Variants in FAM193A observed in about 807,000 individuals in gnomAD.
The protein encoded by FAM193A is family with sequence similarity 193 member A, also known as protein FAM193A.
A neutral mutation model predicts 126.5 loss-of-function variants in FAM193A; 22 were observed. The ratio of observed to expected loss-of-function variants is 0.17; its 90% CI spans 0.12 to 0.25. The LOEUF is 0.25. Ranked by LOEUF, FAM193A falls within the 10% of genes least tolerant of loss-of-function variation. The pLI, the probability that FAM193A is intolerant of heterozygous loss-of-function variation, is 1.00. For synonymous variants in FAM193A, 761 were observed against 646.8 expected, an observed-to-expected ratio of 1.18 and a Z score of -2.68; for missense variants, 1,675 against 1,672.8, an observed-to-expected ratio of 1.00 and a Z score of -0.02.
At chr4:2,659,468 T>G (rs1182729550) in intron 8 of FAM193A, 90 bp from the exon 9 acceptor site, 2 of 893,492 alleles carry the variant, frequency 2.2e-6, no homozygotes, top group Non-Finnish European at 3.6e-6. Context: ...CCCGTGAACA[T>G]GATACATGTC....
chr4:2,656,048 A>G (rs532690064), intron 7 of FAM193A, among the ~76,000 whole-genome samples: 1 of 152,248 alleles, frequency 6.6e-6, no homozygotes, highest in African/African-American at 2.4e-5. Context: ...TGGCCTACCA[A>G]AGTGCTGGGA....
At chr4:2,669,698 C>A (rs1713572493) in intron 12 of FAM193A, among the ~76,000 whole-genome samples, 1 of 152,128 alleles carries the variant, frequency 6.6e-6, no homozygotes, top group Admixed American at 6.5e-5. Flanking sequence ...ACAGAGACAC[C>A]CTATACCCAG....
chr4:2,659,455 G>C, intron 8 of FAM193A, 103 bp from the exon 9 acceptor site: 5 of 794,490 alleles, frequency 6.3e-6, no homozygotes, highest in Non-Finnish European at 1.0e-5. Flanking sequence ...TGAGGAAGCA[G>C]TGCCCGTGAA....
At chr4:2,684,934 C>A (rs1176336784) in intron 13 of FAM193A, among the ~76,000 whole-genome samples, 7 of 152,218 alleles carry the variant, frequency 4.6e-5, no homozygotes, top group African/African-American at 1.7e-4. Flanking sequence ...GCAGGTGCGG[C>A]TGCATTTTGC....
chr4:2,583,522 C>A (rs1192790929), intron 1 of FAM193A, among the ~76,000 whole-genome samples: 4 of 152,094 alleles, frequency 2.6e-5, no homozygotes. Flanking sequence ...GGCTTCTGGT[C>A]CCCTCCCTGA....
At chr4:2,654,722 T>C (rs1746004419) in intron 7 of FAM193A, 1 of 173,598 alleles carries the variant, frequency 5.8e-6, no homozygotes, top group Non-Finnish European at 1.2e-5. Context: ...GAATATGGTA[T>C]GTCACTCTTT....
intron 2 of FAM193A, among the ~76,000 whole-genome samples, chr4:2,617,763 C>T (rs943330338): frequency 1.3e-5 from 2 of 152,100 alleles, no homozygotes; most frequent in Non-Finnish European, 1.5e-5. Flanking sequence ...CTAATGTAGT[C>T]GTGTGTTTTT....
chr4:2,698,624 A>G (rs567820292), intron 18 of FAM193A, among the ~76,000 whole-genome samples: 4 of 152,224 alleles, frequency 2.6e-5, no homozygotes, highest in South Asian at 2.1e-4. Context: ...GTACTTTTCT[A>G]TTTCTCTAGG....
At chr4:2,603,168 A>C (rs528347436) in intron 2 of FAM193A, among the ~76,000 whole-genome samples, 2 of 137,222 alleles carry the variant, frequency 1.5e-5, no homozygotes, top group African/African-American at 6.6e-5. Flanking sequence ...ATATATATAT[A>C]TTTTTTAGTA....
intron 19 of FAM193A, chr4:2,708,396 A>T (rs962776682): frequency 6.1e-6 from 1 of 164,360 alleles, no homozygotes; most frequent in African/African-American, 2.4e-5. Flanking sequence ...AAATGCTGGA[A>T]TTACAGGCGT....
chr4:2,665,323 A>G (rs536164277), intron 12 of FAM193A, among the ~76,000 whole-genome samples: 12 of 152,274 alleles, frequency 7.9e-5, no homozygotes, highest in African/African-American at 2.9e-4. Flanking sequence ...CAGCTTTACT[A>G]AACTTGTTTA....
chr4:2,702,098 C>A (rs1465508935), intron 19 of FAM193A, among the ~76,000 whole-genome samples: 2 of 152,134 alleles, frequency 1.3e-5, no homozygotes, highest in Admixed American at 6.6e-5. Flanking sequence ...TAATATTATT[C>A]TTTCTATATT....
At chr4:2,603,156 G>A (rs948926186) in intron 2 of FAM193A, among the ~76,000 whole-genome samples, 59 of 145,748 alleles carry the variant, frequency 4.0e-4, no homozygotes, top group East Asian at 8.0e-4. Context: ...ATATATATAT[G>A]TATATATATA....
Position 2,693,740 on chromosome 4 carries a change from A to C in FAM193A, c.2958A>C (p.Ala986=), listed in dbSNP as rs372160152. 7.4e-5 allele frequency: 119 copies of C among 1,614,130 alleles called. No homozygotes were observed. Among genetic ancestry groups the C allele is most frequent in the Middle Eastern group, 1.6e-4 (1 of 6,062 alleles). ...CACCTGCCTCCACACCTCACCTTGC[A>C]AATCTTGCAGCCCCATCATTCCCCA... is the stretch of plus-strand genomic sequence containing the variant. ...ALSPASTPHL[A]NLAAPSFPKT... The change falls in exon 16 of 21, where the codon GCA becomes GCC. Residue 986 remains alanine, a synonymous_variant. Transcript: ENST00000637812.
chr4:2,540,643 G>A (rs982017761), intron 1 of FAM193A, among the ~76,000 whole-genome samples: 5 of 151,982 alleles, frequency 3.3e-5, no homozygotes, highest in Admixed American at 6.6e-5. Context: ...GTGAGACTCC[G>A]TCTCAAAAAA....
At chr4:2,696,859 A>C (rs931179664) in intron 18 of FAM193A, among the ~76,000 whole-genome samples, 4 of 152,242 alleles carry the variant, frequency 2.6e-5, no homozygotes, top group Non-Finnish European at 5.9e-5. Flanking sequence ...TGAGGGCAGC[A>C]GCAGACACTC....
At chr4:2,701,917 C>T (rs183644604) in intron 19 of FAM193A, among the ~76,000 whole-genome samples, 1 of 152,136 alleles carries the variant, frequency 6.6e-6, no homozygotes, top group Admixed American at 6.5e-5. Context: ...GCTGGGATTA[C>T]AGGCATGCAC....
chr4:2,592,223 GGATTACA>G (rs1387191310), intron 1 of FAM193A, among the ~76,000 whole-genome samples: 26 of 151,924 alleles, frequency 1.7e-4, no homozygotes, highest in African/African-American at 6.3e-4. Flanking sequence ...TGAGTAGCTG[GGATTACA>G]GATGTACGCC....
At chr4:2,599,917 T>A (rs1040245786) in intron 2 of FAM193A, among the ~76,000 whole-genome samples, 5 of 151,110 alleles carry the variant, frequency 3.3e-5, no homozygotes, top group Admixed American at 2.0e-4. Context: ...TTTTTTTTTT[T>A]AGAGACACAG....
Sources: gnomAD v4.1 joint callset for allele counts (sites outside exome capture counted in the v4.1 genomes callset) on GRCh38, gnomAD v4.1.1 for gene constraint, MANE v1.5 for transcripts, NCBI Gene and HGNC (gene_info 2026-07-23, HGNC 2026-07-21) for gene names.